The following NIPSNAP3B variants were observed in gnomAD, a reference collection of about 807,000 sequenced individuals.
The protein encoded by NIPSNAP3B is nipsnap homolog 3B.
In NIPSNAP3B, 30 loss-of-function variants were observed where a neutral mutation model predicts 31.5. That is an observed-to-expected ratio of 0.95 (90% CI 0.71 to 1.29). The LOEUF is 1.29. Among genes scored for constraint, NIPSNAP3B ranks in the 50% most tolerant of loss-of-function variants. The pLI, the probability that NIPSNAP3B is intolerant of heterozygous loss-of-function variation, is 0.00. For synonymous variants in NIPSNAP3B, 106 were observed against 107.9 expected (o/e 0.98, Z 0.11); for missense variants, 269 against 300.7 (o/e 0.89, Z 0.78).
chr9:104,779,277 T>G (rs1446647074), downstream of NIPSNAP3B, among the ~76,000 whole-genome samples: 1 of 152,218 alleles, frequency 6.6e-6, no homozygotes. Flanking sequence ...CTTTCACCAC[T>G]GAAATATAAA....
the NIPSNAP3B span, chr9:104,786,296 A>T: frequency 6.2e-7 from 1 of 1,611,106 alleles, no homozygotes; most frequent in Non-Finnish European, 8.5e-7. Flanking sequence ...TATCTTTATT[A>T]CCTATTTTTT....
the NIPSNAP3B span, chr9:104,784,337 T>C: frequency 3.7e-6 from 6 of 1,614,148 alleles, no homozygotes; most frequent in Admixed American, 5.0e-5. Flanking sequence ...TTCTTTCACT[T>C]TCTCATCCTG....
downstream of NIPSNAP3B, among the ~76,000 whole-genome samples, chr9:104,779,952 G>A (rs906371765): frequency 2.6e-5 from 4 of 152,254 alleles, no homozygotes; most frequent in South Asian, 2.1e-4. Context: ...GCTTGAACCC[G>A]GGAGGCGGAG....
the NIPSNAP3B span, chr9:104,785,611 G>A: frequency 3.1e-6 from 5 of 1,614,016 alleles, no homozygotes; most frequent in African/African-American, 1.3e-5. Context: ...CCTGCTATTC[G>A]TACAACTATT....
chr9:104,764,984 C>A (rs781376898), intron 1 of NIPSNAP3B, among the ~76,000 whole-genome samples: 21 of 152,174 alleles, frequency 1.4e-4, no homozygotes, highest in South Asian at 2.1e-4. Flanking sequence ...AGAAATACCT[C>A]ATTGGCCCAT....
chr9:104,764,541 T>C (rs993641963), intron 1 of NIPSNAP3B, among the ~76,000 whole-genome samples: 3 of 152,098 alleles, frequency 2.0e-5, no homozygotes, highest in Admixed American at 2.0e-4. Context: ...GTTTTTGTGA[T>C]TTTTGTTTTT....
At chr9:104,790,178 G>A in the NIPSNAP3B span, among the ~76,000 whole-genome samples, 1 of 151,976 alleles carries the variant, frequency 6.6e-6, no homozygotes, top group Non-Finnish European at 1.5e-5. Context: ...AAATGTAGCT[G>A]TATTCCCAAA....
intron 4 of NIPSNAP3B, among the ~76,000 whole-genome samples, chr9:104,772,323 A>G (rs1017609548): frequency 6.7e-6 from 1 of 149,076 alleles, no homozygotes; most frequent in African/African-American, 2.5e-5. Flanking sequence ...TATCATTGAC[A>G]TAGAAAATTC....
In NIPSNAP3B at chr9:104,775,434, C is replaced by T. The variant is rs2777796; in HGVS notation, c.*2361C>T. Reference sequence around the variant, plus strand: ...TCGTTTCTCCGAAACACTCACTGCACAAGCCTTCATATCTCCTAGTCTCCA... The same window carrying T: ...TCGTTTCTCCGAAACACTCACTGCATAAGCCTTCATATCTCCTAGTCTCCA... On this transcript the variant is annotated 3_prime_UTR_variant, in exon 6 of 6. Coordinates refer to ENST00000374762, the MANE Select transcript of NIPSNAP3B (RefSeq NM_018376.4). Among the ~76,000 whole-genome samples the T allele has an allele frequency of 0.03, 4,593 of 152,252 alleles. 98 individuals are homozygous for T. Among genetic ancestry groups the T allele is most frequent in the Middle Eastern group, 0.058 (17 of 294 alleles).
rs1404364153 is a variant in NIPSNAP3B, at chr9:104,774,945, AAT to A, written c.*1873_*1874del. 6.6e-6 allele frequency among the ~76,000 whole-genome samples: 1 copy of A among 152,060 alleles called. No homozygotes were observed. Among genetic ancestry groups the A allele is most frequent in the Non-Finnish European group, 1.5e-5 (1 of 68,026 alleles). ...CCTTTTACTTAACAGAGAAAATAAC[AAT>A]CAGAAGAGTCTTCATAAGTTCCCAC... is the stretch of plus-strand genomic sequence containing the variant. On this transcript the variant is annotated 3_prime_UTR_variant, in exon 6 of 6. Coordinates refer to ENST00000374762, the MANE Select transcript of NIPSNAP3B (RefSeq NM_018376.4).
Position 104,777,510 on chromosome 9 carries a change from C to T in NIPSNAP3B, c.*4437C>T, listed in dbSNP as rs1470902017. ...GGATCCTAAGGTAAAGGAGTATGGGCACTAGACAAAATGAGTTTTATAATA... is the reference window on the plus strand; with the variant it reads ...GGATCCTAAGGTAAAGGAGTATGGGTACTAGACAAAATGAGTTTTATAATA... On this transcript the variant is annotated 3_prime_UTR_variant, in exon 6 of 6. Transcript: ENST00000374762. 1 of 152,158 alleles carries T rather than the reference C, an allele frequency of 6.6e-6. No homozygotes were observed. The highest frequency in any genetic ancestry group is 1.5e-5 in the Non-Finnish European group (1 of 68,034). The allele number at this position is 152,158 out of a possible 1,614,324, so 9.4% of individuals were successfully genotyped here. A position where few individuals can be genotyped will look rare whatever the true frequency, so the allele number is the denominator to read the frequency against.
chr9:104,770,797 A>G, intron 3 of NIPSNAP3B, 52 bp from the exon 4 acceptor site: 3 of 1,553,178 alleles, frequency 1.9e-6, no homozygotes, highest in East Asian at 2.2e-5. Flanking sequence ...AAACCTGGTT[A>G]GAAATTGTTT....
chr9:104,777,038 G>A lies in NIPSNAP3B; in HGVS notation c.*3965G>A, dbSNP rs1828352203. On this transcript the variant is annotated 3_prime_UTR_variant, in exon 6 of 6. Coordinates refer to ENST00000374762, the MANE Select transcript of NIPSNAP3B (RefSeq NM_018376.4). ...CTCAGTAGAAGTTCTGGCTATGGGGGAGTGCCATCAATAAATAAAAATAAT... is the reference window on the plus strand; with the variant it reads ...CTCAGTAGAAGTTCTGGCTATGGGGAAGTGCCATCAATAAATAAAAATAAT... 1 of 152,200 alleles carries A rather than the reference G, an allele frequency of 6.6e-6. No individual in the cohort carries two copies. The highest frequency in any genetic ancestry group is 1.5e-5 in the Non-Finnish European group (1 of 68,046). The allele number at this position is 152,200 out of a possible 1,614,324, so 9.4% of individuals were successfully genotyped here.
Position 104,775,317 on chromosome 9 carries a change from G to A in NIPSNAP3B, c.*2244G>A, listed in dbSNP as rs894608901. Among the ~76,000 whole-genome samples the A allele has an allele frequency of 1.4e-4, 21 of 150,646 alleles. No homozygotes were observed. Among genetic ancestry groups the A allele is most frequent in the East Asian group, 7.8e-4 (4 of 5,130 alleles). On this transcript the variant is annotated 3_prime_UTR_variant, in exon 6 of 6. Transcript: ENST00000374762. ...TATCTCTTAAACATTCTCTGATCACGCCAGCCAAATTGCTCTTGTCAACTC... is the reference window on the plus strand; with the variant it reads ...TATCTCTTAAACATTCTCTGATCACACCAGCCAAATTGCTCTTGTCAACTC...
rs542653026 is a variant in NIPSNAP3B, at chr9:104,776,647, G to A, written c.*3574G>A. 1.7e-4 allele frequency among the ~76,000 whole-genome samples: 26 copies of A among 152,048 alleles called. No individual in the cohort carries two copies. In the South Asian group the frequency reaches 4.0e-3, roughly 23 times the overall value. ...TGTTGTTTAAGCCACCCTGTCTATG[G>A]TACTCTTGTTACAGCAACCTGAACT... On this transcript the variant is annotated 3_prime_UTR_variant, in exon 6 of 6. Transcript: ENST00000374762.
chr9:104,770,779 A>T (rs1187662196), intron 3 of NIPSNAP3B, 70 bp from the exon 4 acceptor site: 4 of 1,413,528 alleles, frequency 2.8e-6, no homozygotes, highest in Non-Finnish European at 4.0e-6. Flanking sequence ...CTTCTAATGA[A>T]ATCAGGAAAA....
rs1298943762 is a variant in NIPSNAP3B at position 104,773,644 on chromosome 9, A to G, written c.*571A>G. On this transcript the variant is annotated 3_prime_UTR_variant, in exon 6 of 6. Transcript: ENST00000374762. ...TTGATTATTAGTCATTCTAACTTGGAAAATAATGCAATTGGGTCACAGTGT... is the reference window on the plus strand; with the variant it reads ...TTGATTATTAGTCATTCTAACTTGGGAAATAATGCAATTGGGTCACAGTGT... The G allele has an allele frequency of 6.6e-6, 1 of 152,190 alleles. No individual in the cohort carries two copies. Among genetic ancestry groups the G allele is most frequent in the Non-Finnish European group, 1.5e-5 (1 of 68,022 alleles). 9.4% of individuals were successfully genotyped at this position (152,190 alleles called of 1,614,324 possible). A position where few individuals can be genotyped will look rare whatever the true frequency, so the allele number is the denominator to read the frequency against.
At chr9:104,788,024 G>C in the NIPSNAP3B span, 1 of 1,614,136 alleles carries the variant, frequency 6.2e-7, no homozygotes, top group Non-Finnish European at 8.5e-7. Context: ...TACTTCACGA[G>C]GCCCAGTTTC....
chr9:104,769,367 T>C (rs1032588046), intron 3 of NIPSNAP3B, among the ~76,000 whole-genome samples: 2 of 144,396 alleles, frequency 1.4e-5, no homozygotes, highest in Non-Finnish European at 3.0e-5. Flanking sequence ...GGCAGGGGAA[T>C]GGCGTGAACC....
Sources: allele counts gnomAD v4.1 joint callset (sites outside exome capture counted in the v4.1 genomes callset), GRCh38; gene constraint gnomAD v4.1.1; transcripts MANE v1.5; gene names NCBI Gene and HGNC (gene_info 2026-07-23, HGNC 2026-07-21).